The following ANKS3 variants were observed in gnomAD, a reference collection of about 807,000 sequenced individuals.
ANKS3 encodes the protein ankyrin repeat and SAM domain-containing protein 3.
Under a neutral mutation model 80.7 loss-of-function variants are expected in ANKS3, and 62 were observed. The ratio of observed to expected loss-of-function variants is 0.77; its 90% confidence interval spans 0.63 to 0.95. The LOEUF (loss-of-function observed/expected upper bound fraction) is 0.95. Among genes scored for constraint, ANKS3 ranks in the 40% least tolerant of loss-of-function variants. The pLI is 0.00. For missense variants in ANKS3, 1,150 were observed against 883.6 expected (o/e 1.30, Z -3.82); for synonymous variants, 489 against 355.3 (o/e 1.38, Z -4.23).
At chr16:4,701,408 G>C (rs1430799419) in intron 10 of ANKS3, 26 bp downstream of exon 10, 1 of 1,574,142 alleles carries the variant, frequency 6.4e-7, no homozygotes, top group Non-Finnish European at 8.6e-7. Context: ...CCGGCTATGG[G>C]AGACCAAGAA....
intron 5 of ANKS3, 131 bp downstream of exon 5, chr16:4,726,528 C>T: frequency 3.3e-6 from 3 of 907,386 alleles, no homozygotes; most frequent in Non-Finnish European, 5.1e-6. Flanking sequence ...TCTGGTCCTA[C>T]CCCTCATCTT....
At chr16:4,728,735 A>T (rs1317206003) in intron 3 of ANKS3, among the ~76,000 whole-genome samples, 1 of 152,100 alleles carries the variant, frequency 6.6e-6, no homozygotes, top group Non-Finnish European at 1.5e-5. Context: ...TGGAGCGGTT[A>T]TGGACTCTGC....
At position 4,697,187 on chromosome 16, in the gene ANKS3, G is replaced by A. The variant is rs930536833; in HGVS notation, c.1895-83C>T. On this transcript the variant is annotated intron_variant, in intron 16 of 17. Coordinates refer to ENST00000304283, the MANE Select transcript of ANKS3 (RefSeq NM_133450.4). ...TGCCCCGGGGTCTCAGCTGCAGGAT[G>A]TGACCTGCCCCTCACCCGTTATGGC... is the stretch of plus-strand genomic sequence containing the variant. 10 of 1,565,202 alleles carry A rather than the reference G, an allele frequency of 6.4e-6. No individual in the cohort carries two copies. The East Asian group carries it at 6.8e-5, about 11-fold the overall frequency.
In ANKS3 at chr16:4,698,955, G is replaced by A. The variant is rs376045569; in HGVS notation, c.1410-14C>T. Reference sequence around the variant, plus strand: ...GGCCCAAACAGCCTGCGGGGGGAATGTGACCAGGATATGCCTCAGCGTCCC... The same window carrying A: ...GGCCCAAACAGCCTGCGGGGGGAATATGACCAGGATATGCCTCAGCGTCCC... On this transcript the variant is annotated splice_polypyrimidine_tract_variant and intron_variant, in intron 12 of 17. Transcript: ENST00000304283. The A allele has an allele frequency of 2.5e-6, 4 of 1,606,564 alleles. No individual in the cohort carries two copies. Among genetic ancestry groups the A allele is most frequent in the Non-Finnish European group, 2.6e-6 (3 of 1,174,858 alleles).
chr16:4,733,714 C>A (rs1405543789), intron 1 of ANKS3, among the ~76,000 whole-genome samples: 1 of 152,168 alleles, frequency 6.6e-6, no homozygotes. Flanking sequence ...ATGCCTGTAT[C>A]AAAATCTCTC....
intron 6 of ANKS3, chr16:4,717,330 C>A (rs1224685775): frequency 6.6e-6 from 1 of 152,264 alleles, no homozygotes; most frequent in Non-Finnish European, 1.5e-5. Context: ...GGGCGGATCA[C>A]TTGAGGTCAG....
chr16:4,707,223 A>G (rs1391136693), intron 7 of ANKS3, among the ~76,000 whole-genome samples: 1 of 152,048 alleles, frequency 6.6e-6, no homozygotes, highest in Non-Finnish European at 1.5e-5. Context: ...CAGGGCTGCA[A>G]TCCTGCTATC....
At chr16:4,710,794 T>C (rs2080444167) in intron 7 of ANKS3, among the ~76,000 whole-genome samples, 1 of 152,202 alleles carries the variant, frequency 6.6e-6, no homozygotes. Flanking sequence ...TATTTTGTTT[T>C]ATTTTATCTA....
intron 6 of ANKS3, among the ~76,000 whole-genome samples, chr16:4,722,755 T>C (rs1034659366): frequency 1.3e-5 from 2 of 149,532 alleles, no homozygotes; most frequent in African/African-American, 4.9e-5. Context: ...TCATCTCTAC[T>C]AAAATACAAA....
chr16:4,703,123 C>T (rs1307716826), intron 8 of ANKS3, among the ~76,000 whole-genome samples: 2 of 152,198 alleles, frequency 1.3e-5, no homozygotes, highest in African/African-American at 2.4e-5. Flanking sequence ...GCCCCCTAAA[C>T]TGTTTTTGAG....
In ANKS3 at chr16:4,713,895, G is replaced by A. The variant is rs967320195; in HGVS notation, c.709+156C>T. 1.2e-5 allele frequency: 12 copies of A among 1,016,558 alleles called. No homozygotes were observed. The African/African-American group carries it at 2.0e-4, about 17-fold the overall frequency. The allele number at this position is 1,016,558 out of a possible 1,614,324, so 63.0% of individuals were successfully genotyped here. ...CATCCTTATCTCCTGTTAGAGCAGG[G>A]GCCTCAACCTTGACATGTAAGCAGC... On this transcript the variant is annotated intron_variant, in intron 7 of 17. Coordinates refer to ENST00000304283, the MANE Select transcript of ANKS3 (RefSeq NM_133450.4).
chr16:4,702,142 A>G lies in ANKS3; in HGVS notation c.969T>C (p.Asn323=), dbSNP rs1411601961. 1 of 1,597,238 alleles carries G rather than the reference A, an allele frequency of 6.3e-7. No homozygotes were observed. Among genetic ancestry groups the G allele is most frequent in the African/African-American group, 1.4e-5 (1 of 73,906 alleles). ...LCCRDVTSPI[N]ERDVESSSSS... ...TGCTGCTGCTCTCCACATCCCGCTC[A>G]TTGATGGGGGAGGTGACATCCCGGC... The change falls in exon 9 of 18, where the codon AAT becomes AAC. Residue 323 remains asparagine, a synonymous_variant. Coordinates refer to ENST00000304283, the MANE Select transcript of ANKS3 (RefSeq NM_133450.4).
chr16:4,722,880 T>C (rs988249393), intron 6 of ANKS3, among the ~76,000 whole-genome samples: 19 of 149,922 alleles, frequency 1.3e-4, no homozygotes, highest in African/African-American at 4.7e-4. Flanking sequence ...ATCACGCCAC[T>C]GCACTCCAGC....
intron 5 of ANKS3, among the ~76,000 whole-genome samples, chr16:4,725,366 G>C (rs764752741): frequency 2.0e-5 from 3 of 152,222 alleles, no homozygotes; most frequent in African/African-American, 4.8e-5. Context: ...TGGTTTGGAA[G>C]TCAGGAACCA....
intron 6 of ANKS3, among the ~76,000 whole-genome samples, chr16:4,722,190 A>G (rs974673357): frequency 1.3e-5 from 2 of 151,438 alleles, no homozygotes; most frequent in Non-Finnish European, 3.0e-5. Flanking sequence ...TACCATGTGA[A>G]TTTTTCACTA....
At position 4,702,009 on chromosome 16, in the gene ANKS3, C is replaced by G. The variant is rs977076624; in HGVS notation, c.1009+93G>C. ...CCTGTCCTCTGCTGGATGGCTGTGTCCAGCGCCAGGCCCAGGGGATAAGTG... is the reference window on the plus strand; with the variant it reads ...CCTGTCCTCTGCTGGATGGCTGTGTGCAGCGCCAGGCCCAGGGGATAAGTG... On this transcript the variant is annotated intron_variant, in intron 9 of 17. Transcript: ENST00000304283. 10 of 1,435,180 alleles carry G rather than the reference C, an allele frequency of 7.0e-6. No homozygotes were observed. The African/African-American group carries it at 1.4e-4, about 21-fold the overall frequency. 88.9% of individuals were successfully genotyped at this position (1,435,180 alleles called of 1,614,324 possible).
At chr16:4,697,788 C>T (rs1004693982) in intron 15 of ANKS3, among the ~76,000 whole-genome samples, 189 bp downstream of exon 15, 1 of 152,182 alleles carries the variant, frequency 6.6e-6, no homozygotes, top group Non-Finnish European at 1.5e-5. Flanking sequence ...TTTCCTGTCA[C>T]AGGTGAGGAA....
intron 11 of ANKS3, 106 bp from the exon 12 acceptor site, chr16:4,699,282 C>A: frequency 1.4e-6 from 2 of 1,462,402 alleles, no homozygotes; most frequent in Non-Finnish European, 9.2e-7. Context: ...AGAACCAAGA[C>A]AGTGCCTTGT....
At chr16:4,728,337 C>A (rs1458440667) in intron 3 of ANKS3, among the ~76,000 whole-genome samples, 1 of 152,172 alleles carries the variant, frequency 6.6e-6, no homozygotes, top group Non-Finnish European at 1.5e-5. Context: ...AGCCACCGCG[C>A]CCAGCCGGGA....
Sources: gnomAD v4.1 joint callset for allele counts (sites outside exome capture counted in the v4.1 genomes callset) on GRCh38, gnomAD v4.1.1 for gene constraint, MANE v1.5 for transcripts, NCBI Gene and HGNC (gene_info 2026-07-23, HGNC 2026-07-21) for gene names.